SLFN12L: variants seen among roughly 807,000 people sequenced by gnomAD.
The protein encoded by SLFN12L is schlafen family member 12 like, also known as schlafen family member 12-like.
SLFN12L carries 34 observed loss-of-function variants against 34.8 expected under a neutral mutation model. The ratio of observed to expected loss-of-function variants is 0.98; its 90% CI spans 0.74 to 1.30. The LOEUF is 1.30. SLFN12L is among the 50% of genes most tolerant of loss of function. The pLI is 0.00. For missense variants in SLFN12L, 703 were observed against 696.2 expected (o/e 1.01, Z -0.11); for synonymous variants, 259 against 247.5 (o/e 1.05, Z -0.44).
At chr17:35,478,825 C>T (rs752136883) in intron 3 of SLFN12L, among the ~76,000 whole-genome samples, 1 of 152,048 alleles carries the variant, frequency 6.6e-6, no homozygotes, top group Non-Finnish European at 1.5e-5. Flanking sequence ...GAAAGAAAAA[C>T]GAAAAGAATT....
intron 2 of SLFN12L, among the ~76,000 whole-genome samples, chr17:35,518,452 G>A (rs977350365): frequency 4.0e-5 from 6 of 151,896 alleles, no homozygotes; most frequent in African/African-American, 1.5e-4. Context: ...TCGGGAAGCT[G>A]AGGGAGGAGA....
In SLFN12L at chr17:35,471,625, C is replaced by T. The variant is rs111611543; in HGVS notation, c.*3298G>A. 9.2e-5 allele frequency among the ~76,000 whole-genome samples: 14 copies of T among 151,580 alleles called. No homozygotes were observed. Among genetic ancestry groups the T allele is most frequent in the African/African-American group, 3.4e-4 (14 of 41,392 alleles). ...CATTCCTATTTCTCCACAGCCTCGC[C>T]GTGCAGTGGAGACTTTTTAATAATC... On this transcript the variant is annotated 3_prime_UTR_variant, in exon 5 of 5. Coordinates refer to ENST00000628453, the MANE Select transcript of SLFN12L (RefSeq NM_001363830.2).
chr17:35,519,046 G>A (rs1163171480), intron 2 of SLFN12L, among the ~76,000 whole-genome samples: 2 of 152,184 alleles, frequency 1.3e-5, no homozygotes, highest in African/African-American at 4.8e-5. Flanking sequence ...CAAAGACGTG[G>A]ATGAAGCTGG....
chr17:35,532,735 A>C (rs1407045376), intron 1 of SLFN12L, among the ~76,000 whole-genome samples: 1 of 152,012 alleles, frequency 6.6e-6, no homozygotes, highest in African/African-American at 2.4e-5. Context: ...CCTACTGAAA[A>C]TACAAAAATT....
intron 2 of SLFN12L, among the ~76,000 whole-genome samples, chr17:35,484,355 T>C (rs192059568): frequency 1.1e-4 from 17 of 152,264 alleles, no homozygotes; most frequent in Admixed American, 5.2e-4. Context: ...CTGCAGGAAA[T>C]CAAGCGAGGA....
chr17:35,487,859 G>T, intron 2 of SLFN12L: 1 of 1,095,212 alleles, frequency 9.1e-7, no homozygotes, highest in Non-Finnish European at 1.3e-6. Context: ...CGACTCCCCG[G>T]AAGTGGTGGC....
rs1216281492 is a variant in SLFN12L, at chr17:35,465,255, A to T, written c.*9668T>A. 1.3e-5 allele frequency among the ~76,000 whole-genome samples: 2 copies of T among 152,172 alleles called. No homozygotes were observed. The highest frequency in any genetic ancestry group is 4.8e-5 in the African/African-American group (2 of 41,444). On this transcript the variant is annotated 3_prime_UTR_variant, in exon 5 of 5. Transcript: ENST00000628453. ...GAGAAACCTCGTGGACTTAATAAAT[A>T]CTCAAATTATACTTATGCCTGAGGT... is the stretch of plus-strand genomic sequence containing the variant.
At chr17:35,494,842 T>C (rs938016303) in intron 2 of SLFN12L, among the ~76,000 whole-genome samples, 5 of 152,128 alleles carry the variant, frequency 3.3e-5, no homozygotes, top group African/African-American at 1.2e-4. Context: ...AACATTTTTA[T>C]GTTTTATTTA....
chr17:35,494,889 TTTTATTTATTTA>T (rs3087173), intron 2 of SLFN12L, among the ~76,000 whole-genome samples: 20,448 of 146,794 alleles, frequency 0.14, 1,563 homozygotes, highest in East Asian at 0.34. Context: ...AATTTATTTA[TTTTATTTATTTA>T]TTTATTTATT....
chr17:35,494,897 AT>A (rs1299333585), intron 2 of SLFN12L, among the ~76,000 whole-genome samples: 1 of 105,126 alleles, frequency 9.5e-6, no homozygotes, highest in African/African-American at 3.6e-5. Flanking sequence ...TATTTTATTT[AT>A]TTATTTATTT....
At chr17:35,492,692 G>T (rs150570546) in intron 2 of SLFN12L, among the ~76,000 whole-genome samples, 1 of 152,262 alleles carries the variant, frequency 6.6e-6, no homozygotes, top group African/African-American at 2.4e-5. Flanking sequence ...CAAGTTGGAG[G>T]TTTTGTGTCA....
chr17:35,498,389 G>T, intron 2 of SLFN12L: 1 of 1,221,580 alleles, frequency 8.2e-7, no homozygotes, highest in African/African-American at 1.5e-5. Context: ...CCGACATAGT[G>T]TCTGCAGTCC....
chr17:35,487,849 C>T (rs779563208), intron 2 of SLFN12L: 569 of 1,222,830 alleles, frequency 4.7e-4, no homozygotes, highest in Non-Finnish European at 6.3e-4. Flanking sequence ...ATCGGGCACT[C>T]GACTCCCCGG....
intron 1 of SLFN12L, among the ~76,000 whole-genome samples, chr17:35,532,205 C>T (rs899072062): frequency 7.2e-5 from 11 of 152,008 alleles, no homozygotes; most frequent in African/African-American, 2.7e-4. Context: ...TTTGGGAGGC[C>T]GAGGCGAGTG....
rs1472541529 is a variant in SLFN12L at position 35,528,846 on chromosome 17, A to T, written c.-605-5877T>A. 2.0e-5 allele frequency among the ~76,000 whole-genome samples: 3 copies of T among 152,222 alleles called. No homozygotes were observed. The East Asian group carries it at 5.8e-4, about 29-fold the overall frequency. On this transcript the variant is annotated intron_variant, in intron 1 of 4. Coordinates refer to ENST00000628453, the MANE Select transcript of SLFN12L (RefSeq NM_001363830.2). ...ACAAAAGCCAAAACTGACAAATGGGATCTAATTAAACTAAAGAGCTTCTGC... is the reference window on the plus strand; with the variant it reads ...ACAAAAGCCAAAACTGACAAATGGGTTCTAATTAAACTAAAGAGCTTCTGC...
chr17:35,531,707 C>T (rs575652764), intron 1 of SLFN12L, among the ~76,000 whole-genome samples: 1 of 152,102 alleles, frequency 6.6e-6, no homozygotes, highest in Admixed American at 6.5e-5. Context: ...ACCTCCATCT[C>T]GCAGGTTCAA....
intron 1 of SLFN12L, among the ~76,000 whole-genome samples, chr17:35,526,525 A>G (rs1268339102): frequency 6.6e-6 from 1 of 152,204 alleles, no homozygotes; most frequent in Non-Finnish European, 1.5e-5. Flanking sequence ...TCCACAGTGC[A>G]ATCAAATTAG....
chr17:35,490,708 G>A (rs1597846883), intron 2 of SLFN12L: 2 of 1,314,818 alleles, frequency 1.5e-6, no homozygotes, highest in South Asian at 1.2e-5. Context: ...TCAAAGGTTA[G>A]CTTACGTTAC....
At chr17:35,505,641 G>C (rs1042128428) in intron 2 of SLFN12L, among the ~76,000 whole-genome samples, 1 of 152,210 alleles carries the variant, frequency 6.6e-6, no homozygotes, top group South Asian at 2.1e-4. Context: ...TAACTGTGTA[G>C]AGGTATTGGA....
Sources: allele counts gnomAD v4.1 joint callset (sites outside exome capture counted in the v4.1 genomes callset), GRCh38; gene constraint gnomAD v4.1.1; transcripts MANE v1.5; gene names NCBI Gene and HGNC (gene_info 2026-07-23, HGNC 2026-07-21).